Variants in EFCAB5 observed in about 807,000 individuals in gnomAD.
EFCAB5 encodes EF-hand calcium binding domain 5, also known as EF-hand calcium-binding domain-containing protein 5.
Under a neutral mutation model 167.9 loss-of-function variants are expected in EFCAB5, and 131 were observed. The ratio of observed to expected loss-of-function variants is 0.78; its 90% CI spans 0.68 to 0.90. EFCAB5 has a LOEUF of 0.90. Ranked by LOEUF, EFCAB5 falls within the 40% of genes least tolerant of loss-of-function variation. The pLI is 0.00. For synonymous variants in EFCAB5, 574 were observed against 602.8 expected, an observed-to-expected ratio of 0.95 and a Z score of 0.70; for missense variants, 1,663 against 1,745.2, an observed-to-expected ratio of 0.95 and a Z score of 0.84.
At chr17:30,006,299 A>C (rs1430214850) in intron 7 of EFCAB5, among the ~76,000 whole-genome samples, 1 of 152,200 alleles carries the variant, frequency 6.6e-6, no homozygotes, top group Admixed American at 6.5e-5. Flanking sequence ...AAAAAATTTT[A>C]AAATTTTATG....
intron 7 of EFCAB5, among the ~76,000 whole-genome samples, chr17:30,004,056 C>A (rs950132857): frequency 2.0e-5 from 3 of 152,222 alleles, no homozygotes; most frequent in African/African-American, 7.2e-5. Context: ...CCAACAGGTT[C>A]TCACTTCACA....
In EFCAB5 at chr17:30,080,929, G is replaced by A. The variant is rs1173086668; in HGVS notation, c.3374G>A (p.Arg1125Lys). The A allele has an allele frequency of 3.7e-6, 6 of 1,613,466 alleles. No homozygotes were observed. In the Admixed American group the frequency reaches 6.7e-5, roughly 18 times the overall value. ...IFGVLAVDTL[R>K]DPHEINIFLP... ...GGGGTCTTGGCTGTTGATACCCTTA[G>A]AGATCCCCACGAAATAAACATCTTT... The change falls in exon 17 of 23, where the codon AGA becomes AAA. Residue 1125 changes from arginine to lysine, a missense_variant. Arg to Lys is a conservative substitution (Grantham distance 26). Coordinates refer to ENST00000394835, the MANE Select transcript of EFCAB5 (RefSeq NM_198529.4).
chr17:30,023,504 A>G (rs1007856268), intron 7 of EFCAB5, among the ~76,000 whole-genome samples: 73 of 152,198 alleles, frequency 4.8e-4, no homozygotes, highest in African/African-American at 1.6e-3. Flanking sequence ...CACTGAATAG[A>G]CCAATAACAG....
intron 7 of EFCAB5, among the ~76,000 whole-genome samples, chr17:30,026,986 TTTTTTTTTTTTTTTTTTTG>T: frequency 4.9e-5 from 5 of 102,032 alleles, no homozygotes; most frequent in African/African-American, 2.0e-4. Flanking sequence ...TTTTTTTTTT[TTTTTTTTTTTTTTTTTTTG>T]AGATGGAGTC....
intron 1 of EFCAB5, 133 bp from the exon 2 acceptor site, chr17:29,942,107 T>G: frequency 7.4e-6 from 6 of 816,262 alleles, no homozygotes; most frequent in Non-Finnish European, 1.1e-5. Context: ...CTTTGTGTAA[T>G]TTTATTTCAC....
At chr17:29,977,813 A>G (rs1271634054) in intron 4 of EFCAB5, among the ~76,000 whole-genome samples, 21 of 152,212 alleles carry the variant, frequency 1.4e-4, no homozygotes, top group Admixed American at 1.4e-3. Flanking sequence ...AATTTCAAGA[A>G]GCGAGGGACA....
intron 3 of EFCAB5, among the ~76,000 whole-genome samples, chr17:29,949,879 A>C (rs931219246): frequency 1.3e-5 from 2 of 152,252 alleles, no homozygotes; most frequent in African/African-American, 2.4e-5. Flanking sequence ...AGCCAAGTAC[A>C]CTAGAAGAGC....
Position 30,090,244 on chromosome 17 carries a change from G to C in EFCAB5, c.3684-177G>C. Reference sequence around the variant, plus strand: ...GATGTTTGAGCAGAGACATGAGTGAGCAAACAGACAGCCATGTGAAATCAA... The same window carrying C: ...GATGTTTGAGCAGAGACATGAGTGACCAAACAGACAGCCATGTGAAATCAA... On this transcript the variant is annotated intron_variant, in intron 19 of 22. Coordinates refer to ENST00000394835, the MANE Select transcript of EFCAB5 (RefSeq NM_198529.4). The C allele has an allele frequency of 3.7e-6, 3 of 801,962 alleles. No individual in the cohort carries two copies. The South Asian group carries it at 5.9e-5, about 16-fold the overall frequency. The allele number at this position is 801,962 out of a possible 1,614,324, so 49.7% of individuals were successfully genotyped here.
intron 7 of EFCAB5, among the ~76,000 whole-genome samples, chr17:30,006,333 T>G (rs1567709784): frequency 6.6e-6 from 1 of 152,212 alleles, no homozygotes; most frequent in African/African-American, 2.4e-5. Flanking sequence ...AGATTTTTTT[T>G]GGAGATCTTT....
At chr17:30,075,037 A>G (rs1194796921) in intron 14 of EFCAB5, among the ~76,000 whole-genome samples, 2 of 152,084 alleles carry the variant, frequency 1.3e-5, no homozygotes, top group Non-Finnish European at 2.9e-5. Context: ...CCATGAGTTC[A>G]CACTGGTAAT....
intron 5 of EFCAB5, among the ~76,000 whole-genome samples, chr17:29,995,533 G>A (rs1343435314): frequency 1.3e-5 from 2 of 152,148 alleles, no homozygotes; most frequent in South Asian, 4.1e-4. Flanking sequence ...GAAATGCTTC[G>A]GGATCTTCAT....
At chr17:30,091,523 C>T (rs550794145) in intron 20 of EFCAB5, among the ~76,000 whole-genome samples, 1 of 152,202 alleles carries the variant, frequency 6.6e-6, no homozygotes, top group Admixed American at 6.5e-5. Flanking sequence ...CACAGCTAAC[C>T]AAGGAAGTAG....
chr17:30,082,865 G>T, intron 17 of EFCAB5, 26 bp from the exon 18 acceptor site: 1 of 1,586,608 alleles, frequency 6.3e-7, no homozygotes, highest in Non-Finnish European at 8.6e-7. Context: ...AAAAGAATAG[G>T]CTATTTGAAT....
chr17:30,083,048 G>A lies in EFCAB5; in HGVS notation c.3579+5G>A. 2.5e-6 allele frequency: 4 copies of A among 1,613,442 alleles called. No homozygotes were observed. Among genetic ancestry groups the A allele is most frequent in the Non-Finnish European group, 3.4e-6 (4 of 1,179,600 alleles). ...GTAGAGCCTAGCCCAGCCCAGGTAG[G>A]CAAGGCTCAGTAGTGGTAGATCTCT... On this transcript the variant is annotated splice_donor_5th_base_variant and intron_variant, in intron 18 of 22. Coordinates refer to ENST00000394835, the MANE Select transcript of EFCAB5 (RefSeq NM_198529.4).
rs2071174998 is a variant in EFCAB5 at position 30,090,522 on chromosome 17, C to G, written c.3785C>G (p.Ala1262Gly). ...CCACTTCGTGAGAGAACAGGAGAGG[C>G]TCTGGGAGTCCTCGATTTTAACATC... ...VVPLRERTGE[A>G]LGVLDFNIGQ... Residue 1262 changes from alanine to glycine, a missense_variant, in exon 20 of 23, where the codon GCT (alanine) becomes GGT (glycine). Ala to Gly is a moderately conservative substitution (Grantham distance 60). Coordinates refer to ENST00000394835, the MANE Select transcript of EFCAB5 (RefSeq NM_198529.4). 1 of 1,613,850 alleles carries G rather than the reference C, an allele frequency of 6.2e-7. No individual in the cohort carries two copies. Among genetic ancestry groups the G allele is most frequent in the Non-Finnish European group, 8.5e-7 (1 of 1,179,894 alleles).
chr17:30,095,263 CCA>C (rs2071272641), intron 22 of EFCAB5, among the ~76,000 whole-genome samples: 1 of 152,182 alleles, frequency 6.6e-6, no homozygotes, highest in South Asian at 2.1e-4. Flanking sequence ...GTTTACAAGT[CCA>C]CAGACATTGG....
At chr17:30,091,748 T>A in intron 20 of EFCAB5, 123 bp from the exon 21 acceptor site, 1 of 1,091,076 alleles carries the variant, frequency 9.2e-7, no homozygotes, top group Non-Finnish European at 1.3e-6. Flanking sequence ...AACCAAAGGC[T>A]ATGGTCTGCT....
chr17:30,004,787 A>ATTTTTTTT (rs60231360), intron 7 of EFCAB5, among the ~76,000 whole-genome samples: 16 of 115,116 alleles, frequency 1.4e-4, no homozygotes, highest in African/African-American at 3.1e-4. Flanking sequence ...CTCCTGGCTA[A>ATTTTTTTT]TTTTTTTTTT....
chr17:30,059,801 A>G, intron 14 of EFCAB5, 100 bp downstream of exon 14: 2 of 915,452 alleles, frequency 2.2e-6, no homozygotes, highest in Non-Finnish European at 1.5e-6. Flanking sequence ...TGCTAAAACC[A>G]CTAGATAACC....
Sources: gnomAD v4.1 joint callset for allele counts (sites outside exome capture counted in the v4.1 genomes callset) on GRCh38, gnomAD v4.1.1 for gene constraint, MANE v1.5 for transcripts, NCBI Gene and HGNC (gene_info 2026-07-23, HGNC 2026-07-21) for gene names.